GCC2: variants seen among roughly 807,000 people sequenced by gnomAD.
GCC2 encodes GRIP and coiled-coil domain-containing protein 2.
In GCC2, 120 loss-of-function variants were observed where a neutral mutation model predicts 210.6. The ratio of observed to expected loss-of-function variants is 0.57; its 90% CI spans 0.49 to 0.66. The LOEUF is 0.66. GCC2 is among the 30% of genes least tolerant of loss of function. The pLI is 0.00. For missense variants in GCC2, 1,868 were observed against 1,871.9 expected (o/e 1.00, Z 0.04); for synonymous variants, 703 against 652.7 (o/e 1.08, Z -1.17).
intron 4 of GCC2, among the ~76,000 whole-genome samples, chr2:108,454,615 G>C (rs2104408444): frequency 6.6e-6 from 1 of 152,314 alleles, no homozygotes; most frequent in Middle Eastern, 3.4e-3. Context: ...ATAACACCCA[G>C]ACTGCCTGAG....
chr2:108,460,402 G>A (rs1014159626), intron 4 of GCC2, among the ~76,000 whole-genome samples: 6 of 152,022 alleles, frequency 3.9e-5, no homozygotes, highest in Admixed American at 1.3e-4. Flanking sequence ...CATATTAACG[G>A]TTTTCTGGTT....
At position 108,451,129 on chromosome 2, in the gene GCC2, A is replaced by G. The variant is rs1446063553; in HGVS notation, c.148+17A>G. ...GGTGTACAGGTATTGGGTTGAAAAT[A>G]CTCATCTTGATCACAGTCTCTTTAA... On this transcript the variant is annotated intron_variant, in intron 3 of 22. Transcript: ENST00000309863. 6 of 1,414,666 alleles carry G rather than the reference A, an allele frequency of 4.2e-6. No individual in the cohort carries two copies. Among genetic ancestry groups the G allele is most frequent in the East Asian group, 2.3e-5 (1 of 43,894 alleles). 87.6% of individuals were successfully genotyped at this position (1,414,666 alleles called of 1,614,324 possible).
chr2:108,503,938 A>G (rs1343879989), intron 22 of GCC2, among the ~76,000 whole-genome samples: 1 of 152,098 alleles, frequency 6.6e-6, no homozygotes, highest in Admixed American at 6.6e-5. Context: ...GCGAGACCCT[A>G]TGTCTGCAAA....
At chr2:108,476,206 C>T (rs2577617) in intron 9 of GCC2, among the ~76,000 whole-genome samples, 29,433 of 151,446 alleles carry the variant, frequency 0.19, 3,194 homozygotes, top group African/African-American at 0.27. Context: ...ACTACAGGTG[C>T]GCGCCACCAT....
At chr2:108,477,022 A>G (rs1181522050) in intron 9 of GCC2, among the ~76,000 whole-genome samples, 1 of 152,224 alleles carries the variant, frequency 6.6e-6, no homozygotes, top group East Asian at 1.9e-4. Flanking sequence ...TAGGATGACT[A>G]TTATTTGAAC....
At chr2:108,455,717 C>G (rs945770688) in intron 4 of GCC2, among the ~76,000 whole-genome samples, 5 of 152,142 alleles carry the variant, frequency 3.3e-5, no homozygotes, top group African/African-American at 1.2e-4. Context: ...ATAATGACCT[C>G]CAGCTCCATC....
In GCC2 at chr2:108,507,756, C is replaced by G. The variant is rs186776070; in HGVS notation, c.*126C>G. ...TTTGCATCTACATATATTTGTACAT[C>G]TATATGACAGATGTATTTTAAAAGT... On this transcript the variant is annotated 3_prime_UTR_variant, in exon 23 of 23. Coordinates refer to ENST00000309863, the MANE Select transcript of GCC2 (RefSeq NM_181453.4). 3,835 of 676,674 alleles carry G rather than the reference C, an allele frequency of 5.7e-3. 26 individuals carry two copies. Among genetic ancestry groups the G allele is most frequent in the Non-Finnish European group, 6.2e-3 (2,423 of 393,814 alleles). The allele number at this position is 676,674 out of a possible 1,614,324, so 41.9% of individuals were successfully genotyped here. A position where few individuals can be genotyped will look rare whatever the true frequency, so the allele number is the denominator to read the frequency against.
At chr2:108,487,876 A>C in intron 17 of GCC2, 56 bp downstream of exon 17, 1 of 1,461,022 alleles carries the variant, frequency 6.8e-7, no homozygotes, top group Non-Finnish European at 9.3e-7. Flanking sequence ...GTTCTTCACC[A>C]AGTAGATTGA....
chr2:108,473,669 A>G (rs1037513818), intron 7 of GCC2, among the ~76,000 whole-genome samples: 4 of 152,156 alleles, frequency 2.6e-5, no homozygotes, highest in African/African-American at 9.7e-5. Flanking sequence ...GATTAGGGTA[A>G]GGGAAGTTGA....
chr2:108,499,276 T>A (rs1424789437), intron 21 of GCC2, among the ~76,000 whole-genome samples: 2 of 152,186 alleles, frequency 1.3e-5, no homozygotes, highest in African/African-American at 4.8e-5. Context: ...ACTTGGTTCA[T>A]ACGCAGCAAT....
At position 108,470,739 on chromosome 2, in the gene GCC2, G is replaced by C. The variant is rs1377604308; in HGVS notation, c.1410G>C (p.Gln470His). Residue 470 changes from glutamine (Q) to histidine (H), a missense_variant, in exon 6 of 23, where the codon CAG (glutamine) becomes CAC (histidine). Physicochemically the swap from Gln to His is conservative, Grantham distance 24 (BLOSUM62 0). This residue lies in a region of GCC2 where 1,847 missense variants were observed against 1,765.2 expected (regional missense o/e 1.05). Coordinates refer to ENST00000309863, the MANE Select transcript of GCC2 (RefSeq NM_181453.4). ...TTAAGGAACAGTGTGAAAACCTACA[G>C]CAAGAAAAGCAAGAAGCAATTTTAA... Reference protein sequence around the residue: ...QGLKEQCENLQQEKQEAILNY... With the variant: ...QGLKEQCENLHQEKQEAILNY... 14 of 1,613,054 alleles carry C rather than the reference G, an allele frequency of 8.7e-6. No individual in the cohort carries two copies. In the East Asian group the frequency reaches 3.1e-4, roughly 36 times the overall value.
intron 9 of GCC2, among the ~76,000 whole-genome samples, chr2:108,479,939 G>T (rs983678571): frequency 7.3e-6 from 1 of 137,584 alleles, no homozygotes; most frequent in Non-Finnish European, 1.5e-5. Flanking sequence ...CCAAGGTCAC[G>T]CCACTGCACT....
At chr2:108,451,578 T>C (rs1379366801) in intron 3 of GCC2, among the ~76,000 whole-genome samples, 2 of 149,764 alleles carry the variant, frequency 1.3e-5, no homozygotes, top group African/African-American at 4.8e-5. Flanking sequence ...GTTTTCTTTT[T>C]ATTCCAGAAG....
intron 4 of GCC2, among the ~76,000 whole-genome samples, chr2:108,454,614 A>G (rs1213526712): frequency 6.6e-6 from 1 of 152,238 alleles, no homozygotes; most frequent in Non-Finnish European, 1.5e-5. Flanking sequence ...GATAACACCC[A>G]GACTGCCTGA....
At position 108,471,048 on chromosome 2, in the gene GCC2, TAGTCTC is replaced by T. The variant is rs761581032; in HGVS notation, c.1724_1729del (p.Leu575_Ser576del). The T allele has an allele frequency of 6.3e-7, 1 of 1,598,564 alleles. No homozygotes were observed. The highest frequency in any genetic ancestry group is 8.6e-7 in the Non-Finnish European group (1 of 1,167,524). On this transcript the variant is annotated inframe_deletion, in exon 6 of 23. Coordinates refer to ENST00000309863, the MANE Select transcript of GCC2 (RefSeq NM_181453.4). ...AAGAAAAGAATGGAGTATACTTACT[TAGTCTC>T]AGTCAAAGAGATACCATGTTAAAAG...
At chr2:108,498,366 T>TTTTTA (rs1011966897) in intron 21 of GCC2, among the ~76,000 whole-genome samples, 1 of 151,670 alleles carries the variant, frequency 6.6e-6, no homozygotes, top group African/African-American at 2.4e-5. Context: ...CGGCTAATTT[T>TTTTTA]TTTTATTTTA....
intron 22 of GCC2, among the ~76,000 whole-genome samples, chr2:108,504,537 C>G (rs968598117): frequency 2.8e-4 from 42 of 152,118 alleles, no homozygotes; most frequent in African/African-American, 8.2e-4. Context: ...CAAATAGACA[C>G]TGGTAAGTAT....
At chr2:108,449,851 TC>T in intron 2 of GCC2, 162 bp downstream of exon 2, 2 of 599,236 alleles carry the variant, frequency 3.3e-6, no homozygotes. Flanking sequence ...TTCCTGTTTC[TC>T]CCCCGCCCAC....
intron 18 of GCC2, among the ~76,000 whole-genome samples, chr2:108,491,026 A>G (rs1328755405): frequency 2.0e-5 from 3 of 152,224 alleles, no homozygotes; most frequent in Admixed American, 6.5e-5. Context: ...CTGTCTGCCC[A>G]AGTATGAAGA....
Sources: gnomAD v4.1 joint callset for allele counts (sites outside exome capture counted in the v4.1 genomes callset) on GRCh38, gnomAD v4.1.1 for gene constraint, gnomAD v4.1.1 regional missense constraint, MANE v1.5 for transcripts, NCBI Gene and HGNC (gene_info 2026-07-23, HGNC 2026-07-21) for gene names.